Variants in GAP43 observed in about 807,000 individuals in gnomAD.
GAP43 encodes the protein growth associated protein 43.
In GAP43, 6 loss-of-function variants were observed where a neutral mutation model predicts 18.6. The ratio of observed to expected loss-of-function variants is 0.32; its 90% confidence interval spans 0.18 to 0.64. The LOEUF is 0.64. Among genes scored for constraint, GAP43 ranks in the 30% least tolerant of loss-of-function variants. The probability of loss-of-function intolerance (pLI) is 0.78; values close to 1 mark genes in which losing one functional copy is unlikely to be tolerated. For synonymous variants in GAP43, 115 were observed against 111.4 expected (o/e 1.03, Z -0.20); for missense variants, 292 against 295.5 (o/e 0.99, Z 0.09).
rs1709233525 is a variant in GAP43, at chr3:115,698,131, AATATATATAATATATAT to A, written c.628+21522_628+21538del. Among the ~76,000 whole-genome samples the A allele has an allele frequency of 1.5e-4, 6 of 39,042 alleles. No individual in the cohort carries two copies. The South Asian group carries it at 3.3e-3, about 21-fold the overall frequency. The allele number at this position is 39,042 out of a possible 152,430, so 25.6% of individuals were successfully genotyped here. A position where few individuals can be genotyped will look rare whatever the true frequency, so the allele number is the denominator to read the frequency against. On this transcript the variant is annotated intron_variant, in intron 2 of 2. Coordinates refer to ENST00000305124, the MANE Select transcript of GAP43 (RefSeq NM_002045.4). ...AAAATATATAATATATATTATATAT[AATATATATAATATATAT>A]TATATATAATATATAAAATATATTA...
At chr3:115,687,483 C>T (rs529102226) in intron 2 of GAP43, among the ~76,000 whole-genome samples, 41 of 152,258 alleles carry the variant, frequency 2.7e-4, no homozygotes, top group African/African-American at 9.1e-4. Flanking sequence ...GTATTAAAAC[C>T]ATGCAGAATT....
Position 115,623,578 on chromosome 3 carries a change from G to C in GAP43, c.-112G>C. 1 of 1,404,696 alleles carries C rather than the reference G, an allele frequency of 7.1e-7. No homozygotes were observed. The allele number at this position is 1,404,696 out of a possible 1,614,324, so 87.0% of individuals were successfully genotyped here. ...GGAGGGAGGGAGAGAGAGCGCGCTAGCGCGAGAGAGCGAGTGAGCAAGCGA... is the reference window on the plus strand; with the variant it reads ...GGAGGGAGGGAGAGAGAGCGCGCTACCGCGAGAGAGCGAGTGAGCAAGCGA... On this transcript the variant is annotated 5_prime_UTR_variant, in exon 1 of 3. Transcript: ENST00000305124.
chr3:115,661,124 T>TA (rs200506458), intron 1 of GAP43: 2,006 of 148,746 alleles, frequency 0.013, 39 homozygotes, highest in African/African-American at 0.041. Flanking sequence ...CTCAGATTGT[T>TA]AAAAAAAAAA....
intron 2 of GAP43, among the ~76,000 whole-genome samples, chr3:115,700,854 G>A (rs1001466736): frequency 6.6e-5 from 10 of 152,052 alleles, no homozygotes; most frequent in African/African-American, 2.4e-4. Context: ...GATGCCTCAG[G>A]GCACAGATGA....
At chr3:115,653,674 C>T (rs4599300) in intron 1 of GAP43, among the ~76,000 whole-genome samples, 11,594 of 152,102 alleles carry the variant, frequency 0.076, 692 homozygotes, top group African/African-American at 0.17. Flanking sequence ...ATCCCTCGTT[C>T]AGAGACATGC....
At chr3:115,667,713 T>C (rs1576988152) in intron 1 of GAP43, among the ~76,000 whole-genome samples, 1 of 152,210 alleles carries the variant, frequency 6.6e-6, no homozygotes, top group Non-Finnish European at 1.5e-5. Context: ...CTGGTGGTAG[T>C]ACAGGGGTTT....
intron 2 of GAP43, among the ~76,000 whole-genome samples, chr3:115,684,262 T>C (rs1709006313): frequency 1.3e-5 from 2 of 152,278 alleles, no homozygotes; most frequent in South Asian, 4.1e-4. Flanking sequence ...TAGAATCTTT[T>C]GGAATTTGGA....
At chr3:115,679,773 T>C (rs1708937776) in intron 2 of GAP43, among the ~76,000 whole-genome samples, 1 of 152,176 alleles carries the variant, frequency 6.6e-6, no homozygotes, top group Non-Finnish European at 1.5e-5. Flanking sequence ...ACAACCAAGG[T>C]AACCTATCCA....
At chr3:115,692,725 G>A (rs367802895) in intron 2 of GAP43, among the ~76,000 whole-genome samples, 140 of 152,138 alleles carry the variant, frequency 9.2e-4, no homozygotes, top group Middle Eastern at 3.4e-3. Context: ...GCAAATAGAG[G>A]GTGGTTAAAG....
At chr3:115,635,217 C>T (rs1039257388) in intron 1 of GAP43, among the ~76,000 whole-genome samples, 2 of 152,068 alleles carry the variant, frequency 1.3e-5, no homozygotes, top group Non-Finnish European at 2.9e-5. Context: ...GAAAGTTACT[C>T]TGGAGAACTC....
intron 2 of GAP43, among the ~76,000 whole-genome samples, chr3:115,678,976 G>A (rs1016971055): frequency 6.6e-6 from 1 of 151,508 alleles, no homozygotes; most frequent in African/African-American, 2.4e-5. Flanking sequence ...AGGTAGAGGT[G>A]ACAAGGAGAT....
rs180891306 is a variant in GAP43, at chr3:115,646,646, C to T, written c.30+22927C>T. ...CTGAGACAAAAGAGGGAAAGCCCTT[C>T]GGATATCTTGAATTAAATATAAACC... On this transcript the variant is annotated intron_variant, in intron 1 of 2. Coordinates refer to ENST00000305124, the MANE Select transcript of GAP43 (RefSeq NM_002045.4). Among the ~76,000 whole-genome samples the T allele has an allele frequency of 2.2e-3, 328 of 152,066 alleles. 1 individual carries two copies. Among genetic ancestry groups the T allele is most frequent in the Middle Eastern group, 6.8e-3 (2 of 294 alleles).
chr3:115,673,840 C>A (rs1460003699), intron 1 of GAP43, among the ~76,000 whole-genome samples: 1 of 152,136 alleles, frequency 6.6e-6, no homozygotes, highest in Non-Finnish European at 1.5e-5. Context: ...CTCCTTTAAT[C>A]TTTGTGTGTA....
At chr3:115,720,044 A>G (rs1221075593) in intron 2 of GAP43, among the ~76,000 whole-genome samples, 1 of 152,212 alleles carries the variant, frequency 6.6e-6, no homozygotes, top group African/African-American at 2.4e-5. Flanking sequence ...GGCTGCAAGA[A>G]ACTGAAAACT....
In GAP43 at chr3:115,720,990, CTG is replaced by C. The variant is rs1709570815; in HGVS notation, c.*111_*112del. On this transcript the variant is annotated 3_prime_UTR_variant, in exon 3 of 3. Coordinates refer to ENST00000305124, the MANE Select transcript of GAP43 (RefSeq NM_002045.4). Reference sequence around the variant, plus strand: ...AAGTCCCTTCCTGTCCTGCTCACGTCTGTGAGTCTGTCCTTTCCCACCCACTA... The same window carrying C: ...AAGTCCCTTCCTGTCCTGCTCACGTCTGAGTCTGTCCTTTCCCACCCACTA... 9.0e-6 allele frequency: 5 copies of C among 553,760 alleles called. No individual in the cohort carries two copies. The South Asian group carries it at 1.4e-4, about 16-fold the overall frequency. 34.3% of individuals were successfully genotyped at this position (553,760 alleles called of 1,614,324 possible).
chr3:115,640,438 A>G (rs915468878), intron 1 of GAP43, among the ~76,000 whole-genome samples: 1 of 151,996 alleles, frequency 6.6e-6, no homozygotes, highest in Non-Finnish European at 1.5e-5. Context: ...AAGATAATTC[A>G]TTTGCTATTC....
chr3:115,676,419 C>T lies in GAP43; in HGVS notation c.437C>T (p.Ala146Val), dbSNP rs1708888373. ...GCTGAGACAGAAAGTGCCACTAAAG[C>T]TTCCACTGATAACTCGCCGTCCTCC... Reference protein sequence around the residue: ...GSAETESATKASTDNSPSSKA... With the variant: ...GSAETESATKVSTDNSPSSKA... The change falls in exon 2 of 3, where the codon GCT becomes GTT. Residue 146 changes from alanine (A) to valine (V), a missense_variant. Ala to Val is a moderately conservative substitution (Grantham distance 64). Transcript: ENST00000305124. The T allele has an allele frequency of 6.2e-7, 1 of 1,613,958 alleles. No homozygotes were observed. Among genetic ancestry groups the T allele is most frequent in the Non-Finnish European group, 8.5e-7 (1 of 1,179,896 alleles).
chr3:115,657,271 G>T (rs1708595555), intron 1 of GAP43, among the ~76,000 whole-genome samples: 1 of 152,194 alleles, frequency 6.6e-6, no homozygotes, highest in Non-Finnish European at 1.5e-5. Context: ...GAGGTGAGTT[G>T]CTTAGGTCTA....
rs149885836 is a variant in GAP43 at position 115,709,844 on chromosome 3, C to CATATAT, written c.629-10934_629-10929dup. 3.2e-3 allele frequency among the ~76,000 whole-genome samples: 477 copies of CATATAT among 148,026 alleles called. 3 individuals carry two copies. Among genetic ancestry groups the CATATAT allele is most frequent in the East Asian group, 0.012 (63 of 5,048 alleles). On this transcript the variant is annotated intron_variant, in intron 2 of 2. Coordinates refer to ENST00000305124, the MANE Select transcript of GAP43 (RefSeq NM_002045.4). Reference sequence around the variant, plus strand: ...CATTTTGCAAGTATACATGAACATACATATATATATATATATATATACACA... The same window carrying CATATAT: ...CATTTTGCAAGTATACATGAACATACATATATATATATATATATATATATATACACA...
Sources: gnomAD v4.1 joint callset for allele counts (sites outside exome capture counted in the v4.1 genomes callset) on GRCh38, gnomAD v4.1.1 for gene constraint, MANE v1.5 for transcripts, NCBI Gene and HGNC (gene_info 2026-07-23, HGNC 2026-07-21) for gene names.